The following RCAN2 variants were observed in gnomAD, a reference collection of about 807,000 sequenced individuals.
RCAN2 encodes calcipressin-2.
In RCAN2, 9 loss-of-function variants were observed where a neutral mutation model predicts 23.6. That is an observed-to-expected ratio of 0.38 (90% CI 0.23 to 0.67). The LOEUF is 0.67. Among genes scored for constraint, RCAN2 ranks in the 30% least tolerant of loss-of-function variants. The pLI, the probability that RCAN2 is intolerant of heterozygous loss-of-function variation, is 0.51. For missense variants in RCAN2, 273 were observed against 302.3 expected, an observed-to-expected ratio of 0.90 and a Z score of 0.72; for synonymous variants, 109 against 115.7, an observed-to-expected ratio of 0.94 and a Z score of 0.37.
intron 2 of RCAN2, among the ~76,000 whole-genome samples, chr6:46,403,031 C>A (rs1766301883): frequency 6.6e-6 from 1 of 151,552 alleles, no homozygotes; most frequent in Non-Finnish European, 1.5e-5. Flanking sequence ...GTAGCGCGAT[C>A]TTGGCTCACT....
Position 46,289,562 on chromosome 6 carries a change from A to C in RCAN2, c.226-40666T>G, listed in dbSNP as rs145880822. 5.5e-3 allele frequency among the ~76,000 whole-genome samples: 833 copies of C among 152,332 alleles called. 5 individuals carry two copies. Among genetic ancestry groups the C allele is most frequent in the African/African-American group, 0.018 (768 of 41,578 alleles). On this transcript the variant is annotated intron_variant, in intron 2 of 4. Coordinates refer to ENST00000371374, the MANE Select transcript of RCAN2 (RefSeq NM_001251974.2). ...TATGAGGACAATGGGTATCACGCAG[A>C]TACTTCTTCACAGACAGTATGTAAG...
chr6:46,408,023 A>T (rs1766450078), intron 2 of RCAN2, among the ~76,000 whole-genome samples: 1 of 152,172 alleles, frequency 6.6e-6, no homozygotes, highest in Admixed American at 6.5e-5. Context: ...GTTGAGATGG[A>T]TATTTACAAA....
intron 2 of RCAN2, among the ~76,000 whole-genome samples, chr6:46,340,358 A>C (rs1394386417): frequency 6.6e-6 from 1 of 152,156 alleles, no homozygotes; most frequent in Non-Finnish European, 1.5e-5. Context: ...AATCCACCCA[A>C]GGTTTGTGCT....
At chr6:46,296,821 T>C (rs1380130183) in intron 2 of RCAN2, among the ~76,000 whole-genome samples, 1 of 152,114 alleles carries the variant, frequency 6.6e-6, no homozygotes, top group African/African-American at 2.4e-5. Context: ...AATCACCTTC[T>C]TATGCAATAC....
intron 2 of RCAN2, among the ~76,000 whole-genome samples, chr6:46,366,566 G>C (rs189202811): frequency 6.6e-6 from 1 of 151,994 alleles, no homozygotes; most frequent in South Asian, 2.1e-4. Flanking sequence ...GACCTGTTTA[G>C]CAAGAATTCT....
At chr6:46,416,449 G>A (rs1024122466) in intron 2 of RCAN2, among the ~76,000 whole-genome samples, 3 of 150,772 alleles carry the variant, frequency 2.0e-5, no homozygotes, top group Non-Finnish European at 4.4e-5. Context: ...CATTGTTATT[G>A]TAGAATATTG....
chr6:46,455,266 T>C (rs936796157), intron 2 of RCAN2, among the ~76,000 whole-genome samples: 3 of 152,218 alleles, frequency 2.0e-5, no homozygotes, highest in Non-Finnish European at 4.4e-5. Context: ...TCTAATTATA[T>C]ATAATTCCTT....
intron 2 of RCAN2, among the ~76,000 whole-genome samples, chr6:46,450,700 T>TA (rs1354021108): frequency 6.6e-6 from 1 of 152,028 alleles, no homozygotes; most frequent in East Asian, 1.9e-4. Flanking sequence ...AGACAAATAT[T>TA]ACATAATCTC....
At chr6:46,322,044 T>C (rs146762886) in intron 2 of RCAN2, among the ~76,000 whole-genome samples, 109 of 152,246 alleles carry the variant, frequency 7.2e-4, no homozygotes, top group Non-Finnish European at 1.4e-3. Flanking sequence ...CCTGGGCACA[T>C]TAATATTTTT....
Position 46,475,389 on chromosome 6 carries a change from C to A in RCAN2, c.-3+15784G>T, listed in dbSNP as rs535079824. Among the ~76,000 whole-genome samples the A allele has an allele frequency of 2.0e-5, 3 of 152,152 alleles. No homozygotes were observed. The East Asian group carries it at 5.8e-4, about 29-fold the overall frequency. ...TCAGGTAGGCAGTGAATTGTTATGT[C>A]CATTGCAAAGCAGGGAGGAGGGAGG... On this transcript the variant is annotated intron_variant, in intron 1 of 4. Transcript: ENST00000371374.
chr6:46,228,771 T>G (rs1445983309), intron 4 of RCAN2, among the ~76,000 whole-genome samples: 2 of 152,212 alleles, frequency 1.3e-5, no homozygotes, highest in African/African-American at 4.8e-5. Context: ...TTTAGCCCAT[T>G]TACATTTAAC....
At chr6:46,460,928 T>C (rs1768185508) in intron 1 of RCAN2, among the ~76,000 whole-genome samples, 1 of 152,218 alleles carries the variant, frequency 6.6e-6, no homozygotes, top group African/African-American at 2.4e-5. Context: ...ATTTCTAAAA[T>C]GTAATTTTAC....
intron 2 of RCAN2, among the ~76,000 whole-genome samples, chr6:46,413,075 C>G (rs1766593037): frequency 1.3e-5 from 2 of 152,122 alleles, no homozygotes; most frequent in African/African-American, 2.4e-5. Context: ...AATGAATAAG[C>G]TGGGTAGCAC....
At chr6:46,399,978 G>A (rs1157653287) in intron 2 of RCAN2, among the ~76,000 whole-genome samples, 1 of 152,126 alleles carries the variant, frequency 6.6e-6, no homozygotes, top group East Asian at 1.9e-4. Context: ...CCCTGAGGTG[G>A]CTCAGCACTC....
intron 2 of RCAN2, among the ~76,000 whole-genome samples, chr6:46,288,729 C>T (rs546915003): frequency 8.1e-4 from 123 of 152,374 alleles, no homozygotes; most frequent in Non-Finnish European, 1.5e-3. Context: ...AACCTATTGC[C>T]TTGGGCAGGA....
At chr6:46,306,603 G>A (rs184101588) in intron 2 of RCAN2, among the ~76,000 whole-genome samples, 165 of 152,158 alleles carry the variant, frequency 1.1e-3, no homozygotes, top group African/African-American at 3.8e-3. Context: ...TTAACATTTT[G>A]GCTGCTCTCA....
intron 2 of RCAN2, among the ~76,000 whole-genome samples, chr6:46,295,665 GA>G (rs1762703563): frequency 6.6e-6 from 1 of 152,058 alleles, no homozygotes; most frequent in South Asian, 2.1e-4. Context: ...ACTATTTAAA[GA>G]CCCTGAACAC....
chr6:46,409,504 A>C (rs1157830879), intron 2 of RCAN2, among the ~76,000 whole-genome samples: 1 of 152,188 alleles, frequency 6.6e-6, no homozygotes, highest in Non-Finnish European at 1.5e-5. Context: ...TTCATTCCAC[A>C]TTGTCAAGAG....
intron 2 of RCAN2, among the ~76,000 whole-genome samples, chr6:46,360,983 G>A (rs1171409647): frequency 6.6e-6 from 1 of 152,186 alleles, no homozygotes; most frequent in Non-Finnish European, 1.5e-5. Context: ...TGAGTATTCA[G>A]AAAAACCATT....
Sources: allele counts gnomAD v4.1 joint callset (sites outside exome capture counted in the v4.1 genomes callset), GRCh38; gene constraint gnomAD v4.1.1; transcripts MANE v1.5; gene names NCBI Gene and HGNC (gene_info 2026-07-23, HGNC 2026-07-21).